Variants in EPM2A observed in about 807,000 individuals in gnomAD.
EPM2A encodes the protein laforin.
A neutral mutation model predicts 26.5 loss-of-function variants in EPM2A; 21 were observed. The ratio of observed to expected loss-of-function variants is 0.79; its 90% confidence interval spans 0.56 to 1.14. EPM2A has a LOEUF of 1.14. Ranked by LOEUF, EPM2A falls within the 50% of genes most tolerant of loss-of-function variation. EPM2A has a pLI of 0.00. For missense variants in EPM2A, 458 were observed against 440.8 expected, an observed-to-expected ratio of 1.04 and a Z score of -0.35; for synonymous variants, 217 against 177.6, an observed-to-expected ratio of 1.22 and a Z score of -1.76.
At chr6:145,446,074 G>A (rs1312262173) in intron 4 of EPM2A, among the ~76,000 whole-genome samples, 2 of 152,150 alleles carry the variant, frequency 1.3e-5, no homozygotes, top group Non-Finnish European at 2.9e-5. Flanking sequence ...TGAGCCACAA[G>A]CCAACAGTCA....
intron 2 of EPM2A, among the ~76,000 whole-genome samples, chr6:145,604,448 A>C (rs2128550771): frequency 6.6e-6 from 1 of 152,236 alleles, no homozygotes; most frequent in African/African-American, 2.4e-5. Flanking sequence ...TGAATGACTC[A>C]GTTGTAGCTT....
chr6:145,502,582 A>G (rs1442007213), intron 2 of EPM2A: 1 of 470,940 alleles, frequency 2.1e-6, no homozygotes, highest in Non-Finnish European at 4.4e-6. Context: ...TCATCTGGAA[A>G]AAGGAGGAGA....
At chr6:145,641,817 C>T (rs1777104788) in intron 2 of EPM2A, among the ~76,000 whole-genome samples, 1 of 152,166 alleles carries the variant, frequency 6.6e-6, no homozygotes, top group Admixed American at 6.5e-5. Flanking sequence ...CAGACTCCGA[C>T]TAAAATGACT....
At chr6:145,563,559 G>C (rs943326854) in intron 2 of EPM2A, among the ~76,000 whole-genome samples, 2 of 152,080 alleles carry the variant, frequency 1.3e-5, no homozygotes, top group African/African-American at 4.8e-5. Flanking sequence ...AAATCTGGTA[G>C]CTTGACATGA....
intron 4 of EPM2A, among the ~76,000 whole-genome samples, chr6:145,424,767 C>T (rs1026937869): frequency 6.6e-6 from 1 of 152,082 alleles, no homozygotes; most frequent in Non-Finnish European, 1.5e-5. Context: ...CCTTCCACCA[C>T]GTGAGGATGC....
At chr6:145,405,782 C>A (rs1778559445) in intron 4 of EPM2A, among the ~76,000 whole-genome samples, 1 of 152,076 alleles carries the variant, frequency 6.6e-6, no homozygotes, top group Non-Finnish European at 1.5e-5. Flanking sequence ...ATTCTGGAAA[C>A]TGTTGAATAG....
chr6:145,527,255 A>G (rs1780288510), intron 2 of EPM2A, among the ~76,000 whole-genome samples: 1 of 152,130 alleles, frequency 6.6e-6, no homozygotes, highest in Non-Finnish European at 1.5e-5. Flanking sequence ...AGAAGAATGT[A>G]TATTCTGCGG....
rs104893955 is a variant in EPM2A at position 145,735,405 on chromosome 6, A to C, written c.94T>G (p.Trp32Gly). 1.6e-6 allele frequency: 2 copies of C among 1,243,234 alleles called. No homozygotes were observed. The highest frequency in any genetic ancestry group is 1.6e-5 in the African/African-American group (1 of 63,032). 77.0% of individuals were successfully genotyped at this position (1,243,234 alleles called of 1,614,324 possible). A position where few individuals can be genotyped will look rare whatever the true frequency, so the allele number is the denominator to read the frequency against. ...VVGSRPELGR[W>G]EPRGAVRLRP... ...AGGCGGACGGCACCGCGCGGCTCCC[A>C]ACGCCCCAGCTCGGGCCGCGACCCC... is the stretch of plus-strand genomic sequence containing the variant. The change falls in exon 1 of 4, where the codon TGG (tryptophan) becomes GGG (glycine). Residue 32 changes from tryptophan to glycine, a missense_variant. Transcript: ENST00000367519.
At chr6:145,721,423 G>A (rs530751216) in intron 1 of EPM2A, 5 of 152,220 alleles carry the variant, frequency 3.3e-5, no homozygotes, top group East Asian at 1.9e-4. Flanking sequence ...AATTGGTGAT[G>A]GTGTTGGAAA....
At chr6:145,676,641 C>T (rs1021998615) in intron 2 of EPM2A, among the ~76,000 whole-genome samples, 1 of 152,116 alleles carries the variant, frequency 6.6e-6, no homozygotes, top group Admixed American at 6.5e-5. Flanking sequence ...TCAGAGAATA[C>T]TATAAACACC....
intron 2 of EPM2A, among the ~76,000 whole-genome samples, chr6:145,586,199 A>C (rs554850867): frequency 3.3e-5 from 5 of 152,314 alleles, no homozygotes; most frequent in African/African-American, 1.2e-4. Context: ...TTTGCTTCTC[A>C]TCCCTTAGGG....
Position 145,451,964 on chromosome 6 carries a change from T to A in EPM2A, c.555+50558A>T, listed in dbSNP as rs140282755. On this transcript the variant is annotated intron_variant, in intron 4 of 4. Coordinates refer to the EPM2A transcript ENST00000638717. ...TCTAGAAAACCACGGATAGAATGCTTCCTTTCAACTCCTCTTCATCATTGT... is the reference window on the plus strand; with the variant it reads ...TCTAGAAAACCACGGATAGAATGCTACCTTTCAACTCCTCTTCATCATTGT... Among the ~76,000 whole-genome samples, 282 of 152,246 alleles carry A rather than the reference T, an allele frequency of 1.9e-3. 1 individual carries two copies. Among genetic ancestry groups the A allele is most frequent in the African/African-American group, 6.5e-3 (270 of 41,546 alleles).
intron 1 of EPM2A, among the ~76,000 whole-genome samples, chr6:145,731,527 ACAAAAC>A (rs1304623103): frequency 1.3e-5 from 2 of 152,224 alleles, no homozygotes; most frequent in African/African-American, 4.8e-5. Flanking sequence ...ACACAGGAAA[ACAAAAC>A]CAAACACCAC....
At chr6:145,436,496 C>T (rs1441905282) in intron 4 of EPM2A, among the ~76,000 whole-genome samples, 1 of 152,166 alleles carries the variant, frequency 6.6e-6, no homozygotes, top group African/African-American at 2.4e-5. Flanking sequence ...ACCTCCTCAC[C>T]CACATTTGCT....
intron 1 of EPM2A, chr6:145,734,477 G>C (rs1776699108): frequency 6.6e-6 from 1 of 151,880 alleles, no homozygotes; most frequent in African/African-American, 2.4e-5. Context: ...TTTACAACCA[G>C]CATGTATTGT....
intron 4 of EPM2A, among the ~76,000 whole-genome samples, chr6:145,473,967 C>T (rs750149764): frequency 2.6e-5 from 4 of 152,060 alleles, no homozygotes; most frequent in Non-Finnish European, 4.4e-5. Flanking sequence ...AAATAATCAT[C>T]TGAAGGTACA....
intron 1 of EPM2A, chr6:145,722,689 C>T (rs1776003762): frequency 2.3e-6 from 1 of 432,296 alleles, no homozygotes; most frequent in Admixed American, 2.6e-5. Flanking sequence ...CTCCTAGATC[C>T]TCAGAATGTG....
intron 2 of EPM2A, among the ~76,000 whole-genome samples, chr6:145,661,650 T>A (rs2179323): frequency 4.6e-5 from 7 of 151,966 alleles, no homozygotes; most frequent in Non-Finnish European, 1.0e-4. Flanking sequence ...TTAAACAATC[T>A]CATGAAAAAG....
downstream of EPM2A, among the ~76,000 whole-genome samples, chr6:145,621,368 T>C (rs1775628742): frequency 6.6e-6 from 1 of 152,228 alleles, no homozygotes; most frequent in Non-Finnish European, 1.5e-5. Flanking sequence ...GTTACCATAC[T>C]TGACTATCAC....
Sources: gnomAD v4.1 joint callset for allele counts (sites outside exome capture counted in the v4.1 genomes callset) on GRCh38, gnomAD v4.1.1 for gene constraint, MANE v1.5 for transcripts, NCBI Gene and HGNC (gene_info 2026-07-23, HGNC 2026-07-21) for gene names.